The following FOXP2 variants were observed in gnomAD, a reference collection of about 807,000 sequenced individuals.
The protein encoded by FOXP2 is forkhead box protein P2.
A neutral mutation model predicts 115.8 loss-of-function variants in FOXP2; 12 were observed. That is an observed-to-expected ratio of 0.10 (90% confidence interval 0.07 to 0.17). FOXP2 has a LOEUF of 0.17. FOXP2 is among the 10% of genes least tolerant of loss of function. The pLI is 1.00. For synonymous variants in FOXP2, 328 were observed against 297.7 expected (o/e 1.10, Z -1.05); for missense variants, 629 against 843.5 (o/e 0.75, Z 3.15).
At chr7:114,454,314 G>A (rs1417684908) in intron 2 of FOXP2, among the ~76,000 whole-genome samples, 9 of 152,068 alleles carry the variant, frequency 5.9e-5, no homozygotes, top group South Asian at 2.1e-4. Context: ...CAAAACCACT[G>A]TGAGATACCA....
chr7:114,631,747 A>G (rs1804936027), intron 6 of FOXP2, 42 bp downstream of exon 6: 4 of 1,601,118 alleles, frequency 2.5e-6, no homozygotes, highest in Admixed American at 1.7e-5. Context: ...CAAATCTTGT[A>G]CTTTCTACCA....
intron 1 of FOXP2, among the ~76,000 whole-genome samples, chr7:114,100,248 T>C (rs1401082802): frequency 1.3e-5 from 2 of 152,316 alleles, no homozygotes; most frequent in East Asian, 3.9e-4. Flanking sequence ...CTCAGAATTT[T>C]TTCTATGCTG....
At chr7:114,414,334 T>C (rs929165488), upstream of FOXP2, 1 of 152,280 alleles carries the variant, frequency 6.6e-6, no homozygotes, top group Admixed American at 6.6e-5. Flanking sequence ...AAAGTCTTTC[T>C]TCTCTGCTAG....
intron 3 of FOXP2, among the ~76,000 whole-genome samples, chr7:114,587,239 C>T (rs1046875972): frequency 6.6e-6 from 1 of 151,954 alleles, no homozygotes; most frequent in African/African-American, 2.4e-5. Flanking sequence ...CTCCCCACCC[C>T]CTAACAGGCC....
intron 2 of FOXP2, among the ~76,000 whole-genome samples, chr7:114,434,952 C>T (rs1794274730): frequency 6.6e-6 from 1 of 152,044 alleles, no homozygotes; most frequent in African/African-American, 2.4e-5. Flanking sequence ...CATGGAGAAC[C>T]CAACCATCCT....
intron 2 of FOXP2, among the ~76,000 whole-genome samples, chr7:114,486,873 G>T (rs1023790436): frequency 6.6e-6 from 1 of 152,206 alleles, no homozygotes; most frequent in Admixed American, 6.5e-5. Flanking sequence ...CTCCACCCCT[G>T]TGGCTTTGCA....
Position 114,255,927 on chromosome 7 carries a change from G to A in FOXP2, c.-101-32092G>A, listed in dbSNP as rs188085869. Among the ~76,000 whole-genome samples the A allele has an allele frequency of 7.9e-5, 12 of 152,230 alleles. No individual in the cohort carries two copies. The East Asian group carries it at 9.7e-4, about 12-fold the overall frequency. On this transcript the variant is annotated intron_variant, in intron 1 of 17. Transcript: ENST00000634411. The stretch of plus-strand genomic sequence containing the variant: ...CTGGAGCTCTTCCTATTCGGCCATC[G>A]TGGAACCGCCCCGGTTCTAGGTCTT...
chr7:114,688,248 TC>T (rs1432859142), intron 16 of FOXP2, among the ~76,000 whole-genome samples: 2 of 75,536 alleles, frequency 2.6e-5, no homozygotes, highest in African/African-American at 4.5e-5. Flanking sequence ...CACACACACA[TC>T]TTTTTTTTTT....
At chr7:114,482,298 G>A (rs1796592974) in intron 2 of FOXP2, among the ~76,000 whole-genome samples, 1 of 151,414 alleles carries the variant, frequency 6.6e-6, no homozygotes, top group African/African-American at 2.4e-5. Flanking sequence ...ATGGAGGCTT[G>A]TAAAGACTGA....
chr7:114,473,831 A>G (rs1235655958), intron 2 of FOXP2, among the ~76,000 whole-genome samples: 1 of 152,148 alleles, frequency 6.6e-6, no homozygotes, highest in Non-Finnish European at 1.5e-5. Flanking sequence ...TTTGAATCCG[A>G]GTAATTATCC....
At chr7:114,485,691 CA>C (rs942191807) in intron 2 of FOXP2, among the ~76,000 whole-genome samples, 7 of 152,038 alleles carry the variant, frequency 4.6e-5, no homozygotes. Context: ...GAACACCCTA[CA>C]TTTTTGGGAT....
intron 1 of FOXP2, among the ~76,000 whole-genome samples, chr7:114,139,398 A>G (rs1479232108): frequency 2.0e-5 from 3 of 152,190 alleles, no homozygotes; most frequent in Admixed American, 6.5e-5. Flanking sequence ...TATAGGGTAT[A>G]AAACATAATA....
intron 3 of FOXP2, among the ~76,000 whole-genome samples, chr7:114,581,701 G>A (rs1563013952): frequency 1.3e-5 from 2 of 152,288 alleles, no homozygotes; most frequent in African/African-American, 2.4e-5. Context: ...ATGATGACAT[G>A]TATCCACCAT....
chr7:114,165,229 G>A (rs980692313), intron 1 of FOXP2, among the ~76,000 whole-genome samples: 11 of 152,122 alleles, frequency 7.2e-5, no homozygotes, highest in African/African-American at 2.2e-4. Flanking sequence ...ACAAGGCAAC[G>A]AGGTTCCTTC....
intron 2 of FOXP2, among the ~76,000 whole-genome samples, chr7:114,462,666 C>A (rs914343236): frequency 6.6e-6 from 1 of 152,104 alleles, no homozygotes; most frequent in Admixed American, 6.5e-5. Flanking sequence ...CCACCGCGCC[C>A]GGCTTCTCAG....
intron 3 of FOXP2, among the ~76,000 whole-genome samples, chr7:114,538,799 T>A (rs901121639): frequency 2.0e-5 from 3 of 151,856 alleles, no homozygotes; most frequent in African/African-American, 7.2e-5. Context: ...TTTTGTTTGC[T>A]TGGTTTTTGT....
intron 1 of FOXP2, among the ~76,000 whole-genome samples, chr7:114,103,277 C>G (rs1219036774): frequency 6.6e-6 from 1 of 152,012 alleles, no homozygotes; most frequent in Non-Finnish European, 1.5e-5. Context: ...AGTGAAGTAT[C>G]TGACTGGAAT....
At chr7:114,460,095 C>A (rs1011684919) in intron 2 of FOXP2, among the ~76,000 whole-genome samples, 2 of 152,124 alleles carry the variant, frequency 1.3e-5, no homozygotes, top group Non-Finnish European at 2.9e-5. Context: ...CTAATTTTAA[C>A]AGCTTAGCAA....
intron 1 of FOXP2, among the ~76,000 whole-genome samples, chr7:114,233,908 A>G (rs1794947356): frequency 6.6e-6 from 1 of 152,144 alleles, no homozygotes; most frequent in Non-Finnish European, 1.5e-5. Flanking sequence ...AGCTACTTGG[A>G]AGACTGAGGC....
Sources: gnomAD v4.1 joint callset for allele counts (sites outside exome capture counted in the v4.1 genomes callset) on GRCh38, gnomAD v4.1.1 for gene constraint, MANE v1.5 for transcripts, NCBI Gene and HGNC (gene_info 2026-07-23, HGNC 2026-07-21) for gene names.